The following PELI2 variants were observed in gnomAD, a reference collection of about 807,000 sequenced individuals.
PELI2 encodes the protein E3 ubiquitin-protein ligase pellino homolog 2.
Under a neutral mutation model 42.3 loss-of-function variants are expected in PELI2, and 23 were observed. The ratio of observed to expected loss-of-function variants is 0.54; its 90% CI spans 0.39 to 0.77. The LOEUF is 0.77. Ranked by LOEUF, PELI2 falls within the 30% of genes least tolerant of loss-of-function variation. The pLI is 0.00. For missense variants in PELI2, 463 were observed against 553.2 expected (o/e 0.84, Z 1.64); for synonymous variants, 245 against 212.2 (o/e 1.15, Z -1.34).
chr14:56,228,604 T>G (rs1594660925), intron 2 of PELI2, among the ~76,000 whole-genome samples: 1 of 152,208 alleles, frequency 6.6e-6, no homozygotes, highest in African/African-American at 2.4e-5. Context: ...CTGCTTAATT[T>G]GCGTTAAGAT....
At chr14:56,157,000 T>C (rs1428752970) in intron 1 of PELI2, among the ~76,000 whole-genome samples, 1 of 152,266 alleles carries the variant, frequency 6.6e-6, no homozygotes, top group Non-Finnish European at 1.5e-5. Flanking sequence ...TCAGATTATG[T>C]ACATGGCTGT....
chr14:56,231,751 C>CT (rs563112601), intron 2 of PELI2, among the ~76,000 whole-genome samples: 2 of 152,278 alleles, frequency 1.3e-5, no homozygotes, highest in South Asian at 2.1e-4. Context: ...CAAGAAATAA[C>CT]TAAGATCAGA....
intron 2 of PELI2, among the ~76,000 whole-genome samples, chr14:56,212,195 T>C (rs1012433333): frequency 3.9e-5 from 6 of 152,352 alleles, no homozygotes; most frequent in African/African-American, 1.4e-4. Context: ...CTTGGGGAAC[T>C]GTGTCTGAAG....
In PELI2 at chr14:56,279,548, C is replaced by T. The variant is rs1889404809; in HGVS notation, c.208-128C>T. 6 of 505,622 alleles carry T rather than the reference C, an allele frequency of 1.2e-5. No individual in the cohort carries two copies. In the East Asian group the frequency reaches 1.6e-4, roughly 13 times the overall value. 31.3% of individuals were successfully genotyped at this position (505,622 alleles called of 1,614,324 possible). On this transcript the variant is annotated intron_variant, in intron 2 of 5. Transcript: ENST00000267460. ...GACGGAATAGAGCATAGGGGAAAAA[C>T]CTGACTGTGTGGAAAATGCTGGCTT...
intron 2 of PELI2, among the ~76,000 whole-genome samples, chr14:56,239,731 C>T (rs571050563): frequency 2.0e-5 from 3 of 152,094 alleles, no homozygotes; most frequent in Non-Finnish European, 4.4e-5. Flanking sequence ...TGAAGGGACA[C>T]GACCCCTCAA....
At chr14:56,221,022 T>C (rs920363531) in intron 2 of PELI2, among the ~76,000 whole-genome samples, 3 of 152,212 alleles carry the variant, frequency 2.0e-5, no homozygotes, top group Non-Finnish European at 1.5e-5. Flanking sequence ...CATGACATTC[T>C]GTGCCATGGA....
In PELI2 at chr14:56,118,423, C is replaced by G. The variant is rs1882928794; in HGVS notation, c.-238C>G. On this transcript the variant is annotated 5_prime_UTR_variant, in exon 1 of 6. Transcript: ENST00000267460. ...CCTGCTGCCGGGTCCCATTTGTTGC[C>G]GGCTCTGACTCGGGGCGGCCGCGGC... 2.1e-5 allele frequency: 6 copies of G among 285,722 alleles called. No homozygotes were observed. Among genetic ancestry groups the G allele is most frequent in the Non-Finnish European group, 3.9e-5 (6 of 155,058 alleles). 17.7% of individuals were successfully genotyped at this position (285,722 alleles called of 1,614,324 possible).
chr14:56,271,396 T>C (rs1319299301), intron 2 of PELI2, among the ~76,000 whole-genome samples: 1 of 152,190 alleles, frequency 6.6e-6, no homozygotes, highest in African/African-American at 2.4e-5. Context: ...TCTACAGCAA[T>C]ACACCTTGAC....
rs1249659111 is a variant in PELI2 at position 56,299,616 on chromosome 14, TTTTCACAG to T, written c.*2453_*2460del. ...ACAATTTTGACTAAGGAGATTTTTT[TTTTCACAG>T]TTGAGTTAGTTTGTGAAAATAAAGA... On this transcript the variant is annotated 3_prime_UTR_variant, in exon 6 of 6. Transcript: ENST00000267460. The T allele has an allele frequency of 2.2e-4, 33 of 152,306 alleles. No individual in the cohort carries two copies. 9.4% of individuals were successfully genotyped at this position (152,306 alleles called of 1,614,324 possible). A position where few individuals can be genotyped will look rare whatever the true frequency, so the allele number is the denominator to read the frequency against.
intron 3 of PELI2, among the ~76,000 whole-genome samples, 198 bp downstream of exon 3, chr14:56,279,975 A>G (rs1889420981): frequency 6.6e-6 from 1 of 152,210 alleles, no homozygotes; most frequent in South Asian, 2.1e-4. Context: ...TATAAAGGCT[A>G]CATTCTCAGA....
At position 56,118,572 on chromosome 14, in the gene PELI2, G is replaced by A. The variant is rs1882935727; in HGVS notation, c.-89G>A. On this transcript the variant is annotated 5_prime_UTR_variant, in exon 1 of 6. Transcript: ENST00000267460. ...CCCGGCGCGCTCACCCCGTTCTCGG[G>A]ATGGGATTGTAGCGGCGGCGCGGAC... is the stretch of plus-strand genomic sequence containing the variant. 7.1e-6 allele frequency: 6 copies of A among 843,078 alleles called. No individual in the cohort carries two copies. Among genetic ancestry groups the A allele is most frequent in the Non-Finnish European group, 9.7e-6 (6 of 617,296 alleles). The allele number at this position is 843,078 out of a possible 1,614,324, so 52.2% of individuals were successfully genotyped here.
At chr14:56,177,568 C>G (rs904117929) in intron 1 of PELI2, among the ~76,000 whole-genome samples, 1 of 152,142 alleles carries the variant, frequency 6.6e-6, no homozygotes, top group Non-Finnish European at 1.5e-5. Flanking sequence ...TTAGAAAATA[C>G]AACTGAAAAT....
intron 2 of PELI2, among the ~76,000 whole-genome samples, chr14:56,208,186 G>A (rs1214152205): frequency 6.6e-6 from 1 of 152,208 alleles, no homozygotes; most frequent in Non-Finnish European, 1.5e-5. Context: ...CGCTAATGGG[G>A]AAGGAATTGT....
intron 5 of PELI2, among the ~76,000 whole-genome samples, chr14:56,293,751 C>T (rs1594722181): frequency 6.6e-6 from 1 of 152,340 alleles, no homozygotes; most frequent in South Asian, 2.1e-4. Flanking sequence ...CTCCACAGGA[C>T]ACCTACCCCA....
At chr14:56,281,176 C>T (rs934161141) in intron 3 of PELI2, among the ~76,000 whole-genome samples, 5 of 151,906 alleles carry the variant, frequency 3.3e-5, no homozygotes, top group South Asian at 2.1e-4. Flanking sequence ...CATTTTTATA[C>T]GTAAATAATT....
At chr14:56,270,353 C>T (rs4898894) in intron 2 of PELI2, among the ~76,000 whole-genome samples, 23,736 of 152,118 alleles carry the variant, frequency 0.16, 2,158 homozygotes, top group South Asian at 0.35. Context: ...TTTCATGCAA[C>T]GTAAATTGTG....
At chr14:56,140,153 C>T (rs1883850625) in intron 1 of PELI2, among the ~76,000 whole-genome samples, 1 of 151,972 alleles carries the variant, frequency 6.6e-6, no homozygotes, top group African/African-American at 2.4e-5. Context: ...CTGGGTGCTT[C>T]AATTGAGTGC....
chr14:56,186,798 ATAATT>A (rs914326807), intron 2 of PELI2, among the ~76,000 whole-genome samples: 31 of 152,218 alleles, frequency 2.0e-4, no homozygotes, highest in Non-Finnish European at 8.8e-5. Context: ...CGTTGGAAAA[ATAATT>A]TAATTTGTGT....
At chr14:56,119,849 C>G in intron 1 of PELI2, 1 of 985,268 alleles carries the variant, frequency 1.0e-6, no homozygotes, top group African/African-American at 1.7e-5. Flanking sequence ...TCAGAACATC[C>G]TCGGCGCTGA....
Sources: allele counts gnomAD v4.1 joint callset (sites outside exome capture counted in the v4.1 genomes callset), GRCh38; gene constraint gnomAD v4.1.1; transcripts MANE v1.5; gene names NCBI Gene and HGNC (gene_info 2026-07-23, HGNC 2026-07-21).